Variants in EXOC4 observed in about 807,000 individuals in gnomAD.
EXOC4 encodes the protein exocyst complex component 4, also known as SEC8-like 1.
In EXOC4, 71 loss-of-function variants were observed where a neutral mutation model predicts 107.2. The ratio of observed to expected loss-of-function variants is 0.66; its 90% CI spans 0.55 to 0.81. The LOEUF is 0.81. EXOC4 is among the 30% of genes least tolerant of loss of function. EXOC4 has a pLI of 0.00. For synonymous variants in EXOC4, 456 were observed against 441.2 expected, an observed-to-expected ratio of 1.03 and a Z score of -0.42; for missense variants, 1,108 against 1,189.6, an observed-to-expected ratio of 0.93 and a Z score of 1.01.
chr7:133,594,140 G>C (rs1801610383), intron 9 of EXOC4, among the ~76,000 whole-genome samples: 1 of 152,192 alleles, frequency 6.6e-6, no homozygotes, highest in Admixed American at 6.5e-5. Flanking sequence ...AGAATTGTCA[G>C]AACCCTTAAA....
At chr7:133,416,376 T>G (rs780788901) in intron 7 of EXOC4, among the ~76,000 whole-genome samples, 2 of 152,216 alleles carry the variant, frequency 1.3e-5, no homozygotes, top group African/African-American at 4.8e-5. Flanking sequence ...ACAAGTTTTT[T>G]ATTCATACTT....
chr7:133,398,292 A>T (rs772624441), intron 7 of EXOC4, among the ~76,000 whole-genome samples: 4 of 152,190 alleles, frequency 2.6e-5, no homozygotes, highest in Non-Finnish European at 5.9e-5. Context: ...CAGCAATGAC[A>T]CAGTTAGTAT....
In EXOC4 at chr7:134,031,359, T is replaced by C. The variant is rs186427904; in HGVS notation, c.2687+23524T>C. Among the ~76,000 whole-genome samples the C allele has an allele frequency of 3.9e-5, 6 of 152,192 alleles. No individual in the cohort carries two copies. The East Asian group carries it at 1.2e-3, about 29-fold the overall frequency. ...GTAGGGAATAGCAGAGAGTTTTTGG[T>C]TTTGTTTTGTTTTTGTTCTCTCTGT... is the stretch of plus-strand genomic sequence containing the variant. On this transcript the variant is annotated intron_variant, in intron 17 of 17. Transcript: ENST00000253861.
intron 7 of EXOC4, among the ~76,000 whole-genome samples, chr7:133,412,278 GT>G (rs35334259): frequency 0.011 from 792 of 71,420 alleles, 4 homozygotes; most frequent in African/African-American, 0.039. Flanking sequence ...TCAGAATTCA[GT>G]TTTTTTTTTT....
At chr7:133,982,851 G>T (rs1270673823) in intron 14 of EXOC4, among the ~76,000 whole-genome samples, 1 of 152,130 alleles carries the variant, frequency 6.6e-6, no homozygotes, top group Non-Finnish European at 1.5e-5. Context: ...ACTATACTTG[G>T]TACTTACCTG....
chr7:133,704,400 C>A (rs904959027), intron 10 of EXOC4, among the ~76,000 whole-genome samples: 2 of 152,182 alleles, frequency 1.3e-5, no homozygotes, highest in Non-Finnish European at 2.9e-5. Context: ...GTGACATGTT[C>A]CATACTTACA....
intron 17 of EXOC4, among the ~76,000 whole-genome samples, chr7:134,050,764 T>C (rs1168474883): frequency 6.6e-6 from 1 of 152,204 alleles, no homozygotes; most frequent in Non-Finnish European, 1.5e-5. Context: ...TTAAAAGGCC[T>C]TGGATGTCAA....
intron 9 of EXOC4, among the ~76,000 whole-genome samples, chr7:133,527,087 A>C (rs984964368): frequency 2.6e-5 from 4 of 152,190 alleles, no homozygotes; most frequent in Non-Finnish European, 4.4e-5. Context: ...TTTTTCTTAC[A>C]TCAAACTGTA....
intron 9 of EXOC4, among the ~76,000 whole-genome samples, chr7:133,555,072 A>C (rs1361655262): frequency 6.6e-6 from 1 of 152,174 alleles, no homozygotes; most frequent in Non-Finnish European, 1.5e-5. Flanking sequence ...TGGGCAAGTT[A>C]TTTATCTAAA....
chr7:133,423,815 C>T (rs940198762), intron 7 of EXOC4, among the ~76,000 whole-genome samples: 3 of 152,088 alleles, frequency 2.0e-5, no homozygotes, highest in Non-Finnish European at 2.9e-5. Flanking sequence ...TGGGTGGGCA[C>T]GAGCTCGGAG....
At chr7:133,905,069 G>A (rs1310927490) in intron 12 of EXOC4, among the ~76,000 whole-genome samples, 1 of 152,194 alleles carries the variant, frequency 6.6e-6, no homozygotes, top group Admixed American at 6.5e-5. Context: ...TAACACTGGG[G>A]AAGGAGGAAG....
At chr7:133,306,196 T>A in intron 4 of EXOC4, 135 bp downstream of exon 4, 1 of 684,300 alleles carries the variant, frequency 1.5e-6, no homozygotes, top group Middle Eastern at 3.6e-4. Context: ...GAAGATGGTT[T>A]TATAATAGCA....
chr7:133,515,392 C>G (rs891892575), intron 9 of EXOC4, among the ~76,000 whole-genome samples: 1 of 151,824 alleles, frequency 6.6e-6, no homozygotes, highest in Admixed American at 6.6e-5. Context: ...AATATATGCA[C>G]ATATATACAT....
chr7:133,593,607 T>C (rs768903540), intron 9 of EXOC4, among the ~76,000 whole-genome samples: 1 of 152,218 alleles, frequency 6.6e-6, no homozygotes, highest in Non-Finnish European at 1.5e-5. Flanking sequence ...TGAAAGCTCT[T>C]GAATTATAGA....
intron 4 of EXOC4, chr7:133,315,441 G>T (rs2150579366): frequency 6.6e-6 from 1 of 152,308 alleles, no homozygotes; most frequent in South Asian, 2.1e-4. Context: ...GGTGGAAAGA[G>T]CTCTTTGTGT....
At chr7:133,706,960 G>A (rs967621775) in intron 10 of EXOC4, among the ~76,000 whole-genome samples, 23 of 152,120 alleles carry the variant, frequency 1.5e-4, no homozygotes, top group Non-Finnish European at 2.5e-4. Context: ...GTGAATTTGG[G>A]GAAACACAGA....
chr7:133,595,794 G>A (rs990291978), intron 9 of EXOC4, among the ~76,000 whole-genome samples: 1 of 152,018 alleles, frequency 6.6e-6, no homozygotes, highest in East Asian at 1.9e-4. Context: ...CCTATACCTC[G>A]CACTGTCTTC....
chr7:133,389,299 G>A (rs1379940723), intron 7 of EXOC4, among the ~76,000 whole-genome samples: 2 of 151,988 alleles, frequency 1.3e-5, no homozygotes, highest in Non-Finnish European at 2.9e-5. Flanking sequence ...GGCTGGGCAT[G>A]GTGGCTCATG....
At chr7:133,542,699 T>C (rs1486218967) in intron 9 of EXOC4, among the ~76,000 whole-genome samples, 1 of 151,838 alleles carries the variant, frequency 6.6e-6, no homozygotes, top group African/African-American at 2.4e-5. Context: ...AACCCTTCAT[T>C]TTGGGGGTAT....
Sources: gnomAD v4.1 joint callset for allele counts (sites outside exome capture counted in the v4.1 genomes callset) on GRCh38, gnomAD v4.1.1 for gene constraint, MANE v1.5 for transcripts, NCBI Gene and HGNC (gene_info 2026-07-23, HGNC 2026-07-21) for gene names.